TBC1D1: variants seen among roughly 807,000 people sequenced by gnomAD.
TBC1D1 encodes TBC1 (tre-2/USP6, BUB2, cdc16) domain family, member 1.
TBC1D1 carries 89 observed loss-of-function variants against 125.6 expected under a neutral mutation model. The observed-to-expected ratio is 0.71, with a 90% confidence interval of 0.60 to 0.85. TBC1D1 has a LOEUF of 0.85. Ranked by LOEUF, TBC1D1 falls within the 40% of genes least tolerant of loss-of-function variation. The pLI is 0.00. For missense variants in TBC1D1, 1,377 were observed against 1,469.2 expected (o/e 0.94, Z 1.03); for synonymous variants, 565 against 564.1 (o/e 1.00, Z -0.02).
rs1443496653 is a variant in TBC1D1, at chr4:37,984,013, A to T, written c.418-30496A>T. The stretch of plus-strand genomic sequence containing the variant: ...GAATGTCATGTAGTTGGAATCATAC[A>T]GTATATATGTAGCCTTTTCGGATTG... On this transcript the variant is annotated intron_variant, in intron 2 of 19. Transcript: ENST00000261439. 2.6e-5 allele frequency among the ~76,000 whole-genome samples: 4 copies of T among 152,162 alleles called. No individual in the cohort carries two copies. The East Asian group carries it at 7.7e-4, about 29-fold the overall frequency.
chr4:38,036,139 C>T (rs1747166638), intron 8 of TBC1D1, among the ~76,000 whole-genome samples: 2 of 152,320 alleles, frequency 1.3e-5, no homozygotes, highest in Non-Finnish European at 2.9e-5. Flanking sequence ...GTTGGCAAGC[C>T]TGACTTATGT....
chr4:38,018,803 T>C (rs916870988), intron 4 of TBC1D1, among the ~76,000 whole-genome samples: 1 of 152,192 alleles, frequency 6.6e-6, no homozygotes, highest in Non-Finnish European at 1.5e-5. Flanking sequence ...TTTTATTAGA[T>C]ATATTTCTAC....
intron 2 of TBC1D1, among the ~76,000 whole-genome samples, chr4:37,960,120 GT>G (rs1387637414): frequency 6.6e-6 from 1 of 152,160 alleles, no homozygotes; most frequent in African/African-American, 2.4e-5. Context: ...TACCTAAGTG[GT>G]TTTTGACCAT....
chr4:38,026,377 G>A (rs35299223), intron 6 of TBC1D1, among the ~76,000 whole-genome samples: 19,821 of 152,204 alleles, frequency 0.13, 1,716 homozygotes, highest in East Asian at 0.36. Context: ...CGTGGCTGCC[G>A]ATGGGCCTCC....
intron 1 of TBC1D1, among the ~76,000 whole-genome samples, chr4:37,901,789 CT>C (rs1716078823): frequency 1.2e-5 from 1 of 82,660 alleles, no homozygotes; most frequent in Non-Finnish European, 2.7e-5. Context: ...CCAGTGGGCT[CT>C]TTGTTACCTG....
intron 2 of TBC1D1, among the ~76,000 whole-genome samples, chr4:37,932,784 G>C (rs1479575582): frequency 6.6e-6 from 1 of 152,152 alleles, no homozygotes; most frequent in Non-Finnish European, 1.5e-5. Context: ...GTGGCTGGGC[G>C]CGGTGCCTCA....
intron 2 of TBC1D1, among the ~76,000 whole-genome samples, chr4:37,908,842 G>C (rs1460311825): frequency 6.6e-6 from 1 of 152,214 alleles, no homozygotes; most frequent in South Asian, 2.1e-4. Context: ...GAGCGGGGGA[G>C]AGTGAAACAG....
intron 2 of TBC1D1, among the ~76,000 whole-genome samples, chr4:38,013,544 C>T (rs1226195887): frequency 1.3e-5 from 2 of 152,296 alleles, no homozygotes; most frequent in East Asian, 3.9e-4. Context: ...AAATTTATGC[C>T]TGCCTTGGCC....
At chr4:38,019,079 G>C (rs564516560) in intron 4 of TBC1D1, among the ~76,000 whole-genome samples, 1 of 151,938 alleles carries the variant, frequency 6.6e-6, no homozygotes, top group Admixed American at 6.6e-5. Flanking sequence ...TTTCATAGAG[G>C]GATTTTGGAA....
Position 37,977,171 on chromosome 4 carries a change from A to T in TBC1D1, c.418-37338A>T, listed in dbSNP as rs1268259174. 1 of 152,118 alleles carries T rather than the reference A, an allele frequency of 6.6e-6. No homozygotes were observed. Among genetic ancestry groups the T allele is most frequent in the Non-Finnish European group, 1.5e-5 (1 of 68,052 alleles). 9.4% of individuals were successfully genotyped at this position (152,118 alleles called of 1,614,324 possible). ...GGGCATCTCGGAAGGGGGCGACCCCAGCATGTCCCAACTTCCCGCCAGCAG... is the reference window on the plus strand; with the variant it reads ...GGGCATCTCGGAAGGGGGCGACCCCTGCATGTCCCAACTTCCCGCCAGCAG... On this transcript the variant is annotated intron_variant, in intron 2 of 19. Coordinates refer to ENST00000261439, the MANE Select transcript of TBC1D1 (RefSeq NM_015173.4). This position sits in a 1 kb window ranked among gnomAD's most constrained non-coding sequence, Gnocchi z 4.3.
chr4:38,008,683 A>G (rs968359892), intron 2 of TBC1D1, among the ~76,000 whole-genome samples: 20 of 152,218 alleles, frequency 1.3e-4, no homozygotes, highest in African/African-American at 4.1e-4. Context: ...CTCCTTGGCA[A>G]GATGTAACAC....
intron 10 of TBC1D1, among the ~76,000 whole-genome samples, chr4:38,048,027 G>A (rs1269903648): frequency 6.6e-6 from 1 of 152,196 alleles, no homozygotes; most frequent in Non-Finnish European, 1.5e-5. Context: ...GGATTTAAAA[G>A]TCTGTCTAAG....
Position 37,894,282 on chromosome 4 carries a change from C to T in TBC1D1, c.-94+2934C>T, listed in dbSNP as rs149333114. Among the ~76,000 whole-genome samples, 1,266 of 152,152 alleles carry T rather than the reference C, an allele frequency of 8.3e-3. 15 individuals carry two copies. Among genetic ancestry groups the T allele is most frequent in the African/African-American group, 0.029 (1,192 of 41,512 alleles). On this transcript the variant is annotated intron_variant, in intron 1 of 19. Coordinates refer to ENST00000261439, the MANE Select transcript of TBC1D1 (RefSeq NM_015173.4). ...GATTACAGGTGTGAGCCACGGCGCC[C>T]GACCAGTTTTTGACATTTCTAAGCC...
chr4:37,926,744 A>T (rs1355127489), intron 2 of TBC1D1, among the ~76,000 whole-genome samples: 1 of 152,230 alleles, frequency 6.6e-6, no homozygotes, highest in East Asian at 1.9e-4. Flanking sequence ...ACTCTGTGTT[A>T]CACAGGCTAG....
intron 12 of TBC1D1, among the ~76,000 whole-genome samples, chr4:38,064,273 C>T (rs968738062): frequency 5.9e-5 from 9 of 152,274 alleles, no homozygotes; most frequent in Non-Finnish European, 8.8e-5. Context: ...TTGGCTGTTA[C>T]GGATAATACC....
intron 12 of TBC1D1, among the ~76,000 whole-genome samples, chr4:38,086,728 G>A (rs1432445772): frequency 6.6e-6 from 1 of 152,170 alleles, no homozygotes; most frequent in Non-Finnish European, 1.5e-5. Flanking sequence ...GTTGCATGAG[G>A]AAATAGAGAG....
At chr4:38,080,058 C>G (rs1236496736) in intron 12 of TBC1D1, among the ~76,000 whole-genome samples, 1 of 152,226 alleles carries the variant, frequency 6.6e-6, no homozygotes, top group Non-Finnish European at 1.5e-5. Flanking sequence ...GCATTTCTAA[C>G]AAGCTCCCAG....
intron 2 of TBC1D1, among the ~76,000 whole-genome samples, chr4:38,008,282 C>T (rs1223751971): frequency 1.3e-5 from 2 of 152,218 alleles, no homozygotes; most frequent in East Asian, 1.9e-4. Context: ...TTCTCACCTC[C>T]TCCCACCCTC....
intron 2 of TBC1D1, chr4:37,996,103 A>T (rs138577473): frequency 3.9e-4 from 199 of 505,450 alleles, no homozygotes; most frequent in African/African-American, 3.4e-3. Flanking sequence ...CTGTGGCAAG[A>T]ATCTGTAGAG....
Sources: gnomAD v4.1 joint callset for allele counts (sites outside exome capture counted in the v4.1 genomes callset) on GRCh38, gnomAD v4.1.1 for gene constraint, Gnocchi (gnomAD v3.1) non-coding constraint, MANE v1.5 for transcripts, NCBI Gene and HGNC (gene_info 2026-07-23, HGNC 2026-07-21) for gene names.